The following MGA variants were observed in gnomAD, a reference collection of about 807,000 sequenced individuals.
The protein encoded by MGA is MAX gene-associated protein.
MGA carries 40 observed loss-of-function variants against 261.1 expected under a neutral mutation model. The observed-to-expected ratio is 0.15, with a 90% CI of 0.12 to 0.20. The LOEUF (loss-of-function observed/expected upper bound fraction) is 0.20. Ranked by LOEUF, MGA falls within the 10% of genes least tolerant of loss-of-function variation. The probability of loss-of-function intolerance (pLI) is 1.00; values close to 1 mark genes in which losing one functional copy is unlikely to be tolerated. For missense variants in MGA, 3,397 were observed against 3,630.5 expected, an observed-to-expected ratio of 0.94 and a Z score of 1.65; for synonymous variants, 1,302 against 1,290.6, an observed-to-expected ratio of 1.01 and a Z score of -0.19.
At chr15:41,736,855 T>C (rs1010564738) in intron 13 of MGA, among the ~76,000 whole-genome samples, 157 bp downstream of exon 13, 1 of 152,214 alleles carries the variant, frequency 6.6e-6, no homozygotes, top group Non-Finnish European at 1.5e-5. Flanking sequence ...AGGCCTAGTT[T>C]AGATGCATAC....
chr15:41,656,339 CTCTCTTCT>C (rs773976536), upstream of MGA, among the ~76,000 whole-genome samples: 1 of 43,462 alleles, frequency 2.3e-5, no homozygotes, highest in Non-Finnish European at 6.8e-5. Flanking sequence ...TCTCCCTCTC[CTCTCTTCT>C]CTCTCTCTCT....
chr15:41,669,136 A>G lies in MGA; in HGVS notation c.242A>G (p.Asn81Ser). 1 of 1,613,506 alleles carries G rather than the reference A, an allele frequency of 6.2e-7. No individual in the cohort carries two copies. The highest frequency in any genetic ancestry group is 8.5e-7 in the Non-Finnish European group (1 of 1,179,428). Residue 81 changes from asparagine (N) to serine (S), a missense_variant, in exon 2 of 24, where the codon AAC (asparagine) becomes AGC (serine). Coordinates refer to ENST00000219905, the MANE Select transcript of MGA (RefSeq NM_001164273.2). ...GGTGGAATCACTGTTACCCTCGATA[A>G]CAATAGTATGTGGAATGAGTTCTAT...
chr15:41,766,367 A>T lies in MGA; in HGVS notation c.8285A>T (p.Glu2762Val). The change falls in exon 24 of 24, where the codon GAA becomes GTA. Residue 2762 changes from glutamate (E) to valine (V), a missense_variant. Around this residue, in one of 9 missense-constraint regions of MGA, gnomAD observed 647 missense variants for 642.4 expected, o/e 1.01. Coordinates refer to ENST00000219905, the MANE Select transcript of MGA (RefSeq NM_001164273.2). Reference sequence around the variant, plus strand: ...ATTCAGTATAAATGGAAAGAGAGTGAATCAAGAGGGGAGAGAGTGAAGTCA... The same window carrying T: ...ATTCAGTATAAATGGAAAGAGAGTGTATCAAGAGGGGAGAGAGTGAAGTCA... The T allele has an allele frequency of 6.2e-7, 1 of 1,613,984 alleles. No homozygotes were observed. Among genetic ancestry groups the T allele is most frequent in the Non-Finnish European group, 8.5e-7 (1 of 1,179,874 alleles).
intron 11 of MGA, among the ~76,000 whole-genome samples, chr15:41,734,162 C>A (rs1289369772): frequency 6.6e-6 from 1 of 151,918 alleles, no homozygotes; most frequent in African/African-American, 2.4e-5. Flanking sequence ...CCCACCTCGG[C>A]CTCTCGGAAT....
At chr15:41,753,663 C>T (rs1001308507) in intron 17 of MGA, among the ~76,000 whole-genome samples, 48 of 152,040 alleles carry the variant, frequency 3.2e-4, no homozygotes, top group African/African-American at 1.1e-3. Flanking sequence ...ATTTCTATAC[C>T]TGCCTGTGTA....
upstream of MGA, among the ~76,000 whole-genome samples, chr15:41,659,767 A>G (rs1244777125): frequency 6.6e-6 from 1 of 152,248 alleles, no homozygotes; most frequent in Non-Finnish European, 1.5e-5. Context: ...TTATCAAGAT[A>G]TCTTTCATCT....
chr15:41,639,410 C>G (rs1394545328), intron 1 of MGA, among the ~76,000 whole-genome samples: 2 of 151,884 alleles, frequency 1.3e-5, no homozygotes, highest in South Asian at 2.1e-4. Context: ...TAACTAAACT[C>G]TCATAGCACT....
chr15:41,627,044 T>G (rs1412192033), intron 1 of MGA, among the ~76,000 whole-genome samples: 1 of 152,026 alleles, frequency 6.6e-6, no homozygotes, highest in Admixed American at 6.6e-5. Flanking sequence ...GTAGCTGGGA[T>G]TACAGGCGTG....
chr15:41,625,958 A>AAT (rs1420057006), intron 1 of MGA, among the ~76,000 whole-genome samples: 11 of 152,160 alleles, frequency 7.2e-5, no homozygotes, highest in Admixed American at 7.2e-4. Context: ...GTGGTCTGAA[A>AAT]ATATTTTGAG....
rs2061789631 is a variant in MGA, at chr15:41,736,598, A to G, written c.4334A>G (p.His1445Arg). 2 of 1,614,024 alleles carry G rather than the reference A, an allele frequency of 1.2e-6. No homozygotes were observed. Among genetic ancestry groups the G allele is most frequent in the East Asian group, 2.2e-5 (1 of 44,886 alleles). Residue 1445 changes from histidine to arginine, a missense_variant, in exon 13 of 24, where the codon CAT (histidine) becomes CGT (arginine). Coordinates refer to ENST00000219905, the MANE Select transcript of MGA (RefSeq NM_001164273.2). ...CTGGATTCAGTGAGGGAGAGATTAC[A>G]TGGAGGCAAAGGTCTGCCTTTTTAT... is the stretch of plus-strand genomic sequence containing the variant.
In MGA at chr15:41,669,173, A is replaced by G; in HGVS notation, c.279A>G (p.Thr93=). Residue 93 remains threonine, a synonymous_variant, in exon 2 of 24, where the codon ACA becomes ACG. Transcript: ENST00000219905. ...GGAATGAGTTCTATCATCGAAGCAC[A>G]GAGATGATTCTGACCAAGCAAGGAA... The G allele has an allele frequency of 1.2e-6, 2 of 1,614,046 alleles. No individual in the cohort carries two copies. Among genetic ancestry groups the G allele is most frequent in the Non-Finnish European group, 1.7e-6 (2 of 1,179,880 alleles).
intron 1 of MGA, among the ~76,000 whole-genome samples, chr15:41,661,152 G>A (rs1021617906): frequency 6.6e-6 from 1 of 152,222 alleles, no homozygotes; most frequent in African/African-American, 2.4e-5. Context: ...GTAAACAAAG[G>A]ACCGGTGGTG....
At chr15:41,737,365 G>T (rs2061842639) in intron 13 of MGA, among the ~76,000 whole-genome samples, 1 of 151,100 alleles carries the variant, frequency 6.6e-6, no homozygotes, top group Non-Finnish European at 1.5e-5. Flanking sequence ...ATGTTGTCCA[G>T]GCTGGTCTCG....
intron 1 of MGA, among the ~76,000 whole-genome samples, chr15:41,627,847 G>C (rs2056491810): frequency 6.6e-6 from 1 of 152,110 alleles, no homozygotes; most frequent in South Asian, 2.1e-4. Context: ...GAACATTCTG[G>C]TAATCAAGAA....
Position 41,765,048 on chromosome 15 carries a change from C to A in MGA, c.7907C>A (p.Ala2636Asp). ...CTTAAGCCTCAAGTTGCCGGTAGTG[C>A]TGTGGCTCTACCAGGTATGTTGTAA... Residue 2636 changes from alanine to aspartate, a missense_variant, in exon 23 of 24, where the codon GCT (alanine) becomes GAT (aspartate). Coordinates refer to ENST00000219905, the MANE Select transcript of MGA (RefSeq NM_001164273.2). 6.2e-7 allele frequency: 1 copy of A among 1,613,988 alleles called. No homozygotes were observed. The highest frequency in any genetic ancestry group is 8.5e-7 in the Non-Finnish European group (1 of 1,179,864).
chr15:41,718,542 A>G (rs1595855328), intron 9 of MGA: 1 of 479,540 alleles, frequency 2.1e-6, no homozygotes, highest in Non-Finnish European at 4.0e-6. Flanking sequence ...TGTGTCAGAG[A>G]TCTCACCTTC....
chr15:41,697,836 A>AT (rs2059620698), intron 3 of MGA, among the ~76,000 whole-genome samples: 1 of 151,556 alleles, frequency 6.6e-6, no homozygotes. Flanking sequence ...CAACCAGATT[A>AT]TTTTTCTTGG....
intron 2 of MGA, among the ~76,000 whole-genome samples, chr15:41,672,881 C>T (rs1023689824): frequency 6.6e-6 from 1 of 152,162 alleles, no homozygotes; most frequent in Admixed American, 6.5e-5. Context: ...CACACACACA[C>T]ACACACACAC....
intron 2 of MGA, among the ~76,000 whole-genome samples, chr15:41,679,343 C>T (rs548184026): frequency 1.2e-4 from 18 of 152,142 alleles, no homozygotes; most frequent in African/African-American, 1.7e-4. Flanking sequence ...CGCGCTGGGC[C>T]GAGGTTTCAT....
Sources: gnomAD v4.1 joint callset for allele counts (sites outside exome capture counted in the v4.1 genomes callset) on GRCh38, gnomAD v4.1.1 for gene constraint, gnomAD v4.1.1 regional missense constraint, MANE v1.5 for transcripts, NCBI Gene and HGNC (gene_info 2026-07-23, HGNC 2026-07-21) for gene names.